Variants in PCBP3 observed in about 807,000 individuals in gnomAD.
PCBP3 encodes the protein poly(rC) binding protein 3, also known as poly(rC)-binding protein 3.
In PCBP3, 25 loss-of-function variants were observed where a neutral mutation model predicts 52.7. The ratio of observed to expected loss-of-function variants is 0.47; its 90% confidence interval spans 0.35 to 0.66. The LOEUF (loss-of-function observed/expected upper bound fraction) is 0.66, where lower values mean the gene tolerates loss of function less well. Ranked by LOEUF, PCBP3 falls within the 30% of genes least tolerant of loss-of-function variation. The probability of loss-of-function intolerance (pLI) is 0.01; values close to 1 mark genes in which losing one functional copy is unlikely to be tolerated. For missense variants in PCBP3, 391 were observed against 490.3 expected (o/e 0.80, Z 1.91); for synonymous variants, 162 against 183.0 (o/e 0.89, Z 0.93).
At chr21:45,879,279 C>T (rs1257779701) in intron 5 of PCBP3, among the ~76,000 whole-genome samples, 4 of 152,180 alleles carry the variant, frequency 2.6e-5, no homozygotes, top group Non-Finnish European at 5.9e-5. Flanking sequence ...GCCACTGCGC[C>T]TGGCCAAGGA....
At chr21:45,930,293 G>T (rs1055712363) in intron 14 of PCBP3, among the ~76,000 whole-genome samples, 2 of 152,212 alleles carry the variant, frequency 1.3e-5, no homozygotes, top group African/African-American at 4.8e-5. Flanking sequence ...GCAGTGCCCT[G>T]TGCTGCCCGC....
Position 45,910,951 on chromosome 21 carries a change from C to T in PCBP3, c.521C>T (p.Thr174Met), listed in dbSNP as rs916264253. Residue 174 changes from threonine to methionine, a missense_variant, in exon 11 of 18, where the codon ACG (threonine) becomes ATG (methionine). By Grantham distance (81) the Thr-to-Met change is moderately conservative (BLOSUM62 -1). Transcript: ENST00000681687. ...QVAGDMLPNS[T>M]ERAVTISGTP... ...GCTGGGGACATGCTGCCCAACTCCA[C>T]GGAGCGAGCGGTGACCATCTCGGGG... 10 of 1,611,796 alleles carry T rather than the reference C, an allele frequency of 6.2e-6. No individual in the cohort carries two copies. Among genetic ancestry groups the T allele is most frequent in the African/African-American group, 1.3e-5 (1 of 75,044 alleles).
chr21:45,914,361 G>A (rs766235487), intron 12 of PCBP3: 4 of 506,362 alleles, frequency 7.9e-6, no homozygotes, highest in East Asian at 3.4e-5. Flanking sequence ...GTGATTTTAC[G>A]TCTCACGTTG....
intron 2 of PCBP3, among the ~76,000 whole-genome samples, chr21:45,688,594 A>C (rs1427749707): frequency 6.6e-6 from 1 of 152,158 alleles, no homozygotes; most frequent in Non-Finnish European, 1.5e-5. Flanking sequence ...AGTATATCCA[A>C]AATAAATAGG....
In PCBP3 at chr21:45,837,521, C is replaced by T. The variant is rs1034063361; in HGVS notation, c.-125-12440C>T. Among the ~76,000 whole-genome samples the T allele has an allele frequency of 7.9e-5, 12 of 152,098 alleles. No individual in the cohort carries two copies. Among genetic ancestry groups the T allele is most frequent in the Non-Finnish European group, 1.5e-4 (10 of 68,028 alleles). Reference sequence around the variant, plus strand: ...GTGCCTGTGGAAATTCTCCTGCGGGCGGTTTCATGTCGAAGGCCTACCTGT... The same window carrying T: ...GTGCCTGTGGAAATTCTCCTGCGGGTGGTTTCATGTCGAAGGCCTACCTGT... On this transcript the variant is annotated intron_variant, in intron 4 of 17. Coordinates refer to ENST00000681687, the MANE Select transcript of PCBP3 (RefSeq NM_001384156.1). This position sits in a 1 kb window ranked among gnomAD's most constrained non-coding sequence, Gnocchi z 4.1.
chr21:45,827,262 G>A lies in PCBP3; in HGVS notation c.-125-22699G>A, dbSNP rs994547974. Among the ~76,000 whole-genome samples, 2 of 152,136 alleles carry A rather than the reference G, an allele frequency of 1.3e-5. No homozygotes were observed. Among genetic ancestry groups the A allele is most frequent in the African/African-American group, 4.8e-5 (2 of 41,430 alleles). ...CCTCTTCTAACCTGGCGGCAATGAG[G>A]CAGCACACCTCTGCCCCCGCTGCGA... is the stretch of plus-strand genomic sequence containing the variant. On this transcript the variant is annotated intron_variant, in intron 4 of 17. Coordinates refer to ENST00000681687, the MANE Select transcript of PCBP3 (RefSeq NM_001384156.1). The surrounding 1 kb of genome is among the most constrained non-coding windows in gnomAD (Gnocchi z 4.3).
chr21:45,917,826 G>A lies in PCBP3; in HGVS notation c.717+197G>A. 1 of 621,422 alleles carries A rather than the reference G, an allele frequency of 1.6e-6. No homozygotes were observed. Among genetic ancestry groups the A allele is most frequent in the Non-Finnish European group, 3.0e-6 (1 of 337,752 alleles). 38.5% of individuals were successfully genotyped at this position (621,422 alleles called of 1,614,324 possible). A position where few individuals can be genotyped will look rare whatever the true frequency, so the allele number is the denominator to read the frequency against. On this transcript the variant is annotated intron_variant, in intron 13 of 17. Coordinates refer to ENST00000681687, the MANE Select transcript of PCBP3 (RefSeq NM_001384156.1). This position sits in a 1 kb window ranked among gnomAD's most constrained non-coding sequence, Gnocchi z 5.3. ...TTAGCACTAATTCTGCTTGTGTTGA[G>A]GACTTGGCCTGATGTCAAATTGTCT...
At position 45,901,041 on chromosome 21, in the gene PCBP3, G is replaced by C; in HGVS notation, c.267G>C (p.Arg89Ser). The change falls in exon 9 of 18, where the codon AGG becomes AGC. Residue 89 changes from arginine to serine, a missense_variant. Physicochemically the swap from Arg to Ser is moderately radical, Grantham distance 110. Coordinates refer to ENST00000681687, the MANE Select transcript of PCBP3 (RefSeq NM_001384156.1). The part of the protein sequence containing the change: ...INISEGNCPE[R>S]IVTITGPTDA... ...TCTCAGAGGGAAACTGCCCAGAGAG[G>C]ATTGTGACCATCACAGGCCCCACAG... 6.2e-7 allele frequency: 1 copy of C among 1,614,126 alleles called. No homozygotes were observed. The highest frequency in any genetic ancestry group is 2.2e-5 in the East Asian group (1 of 44,874).
Position 45,918,092 on chromosome 21 carries a change from C to T in PCBP3, c.717+463C>T, listed in dbSNP as rs143811120. On this transcript the variant is annotated intron_variant, in intron 13 of 17. Coordinates refer to ENST00000681687, the MANE Select transcript of PCBP3 (RefSeq NM_001384156.1). ...CCCCCTTTCAGAGTCCACATGAAAA[C>T]ATAGGGTCCATCTACACACACAGAT... is the stretch of plus-strand genomic sequence containing the variant. The T allele has an allele frequency of 5.5e-3, 1,299 of 234,698 alleles. 21 individuals are homozygous for T. Among genetic ancestry groups the T allele is most frequent in the African/African-American group, 0.027 (1,194 of 44,128 alleles). 14.5% of individuals were successfully genotyped at this position (234,698 alleles called of 1,614,324 possible). A position where few individuals can be genotyped will look rare whatever the true frequency, so the allele number is the denominator to read the frequency against.
intron 2 of PCBP3, among the ~76,000 whole-genome samples, chr21:45,690,399 T>C (rs984856123): frequency 2.0e-5 from 3 of 152,102 alleles, no homozygotes; most frequent in Admixed American, 6.5e-5. Flanking sequence ...CCTTGGGGCT[T>C]GCTAGATTCT....
At chr21:45,813,741 G>A (rs769390455) in intron 4 of PCBP3, among the ~76,000 whole-genome samples, 10 of 152,200 alleles carry the variant, frequency 6.6e-5, no homozygotes, top group Non-Finnish European at 1.2e-4. Flanking sequence ...ACCACACCCA[G>A]CCTTCCTTTA....
intron 2 of PCBP3, among the ~76,000 whole-genome samples, chr21:45,723,625 A>T (rs2084821541): frequency 6.6e-6 from 1 of 152,236 alleles, no homozygotes; most frequent in Non-Finnish European, 1.5e-5. Context: ...GATCTATCTT[A>T]GATATGAAAG....
chr21:45,663,787 AT>A (rs1319936235), intron 1 of PCBP3, among the ~76,000 whole-genome samples: 2 of 152,092 alleles, frequency 1.3e-5, no homozygotes, highest in East Asian at 1.9e-4. Context: ...GCCTTGTAGT[AT>A]AATTTGAAGT....
chr21:45,801,218 G>A (rs1404835473), intron 4 of PCBP3, among the ~76,000 whole-genome samples: 2 of 152,198 alleles, frequency 1.3e-5, no homozygotes, highest in Admixed American at 6.5e-5. Context: ...TGAGGACCCT[G>A]GAGTGTTCTG....
At chr21:45,833,192 C>T (rs1181582455) in intron 4 of PCBP3, among the ~76,000 whole-genome samples, 1 of 152,190 alleles carries the variant, frequency 6.6e-6, no homozygotes. Context: ...GGAGATACCC[C>T]CACCTCGCGG....
intron 13 of PCBP3, among the ~76,000 whole-genome samples, chr21:45,920,330 G>A (rs373826246): frequency 9.2e-4 from 140 of 152,314 alleles, no homozygotes; most frequent in African/African-American, 3.2e-3. Context: ...TGTGTGCCAC[G>A]GTGGGACTGC....
At chr21:45,679,190 G>A (rs1273801135) in intron 2 of PCBP3, among the ~76,000 whole-genome samples, 2 of 150,878 alleles carry the variant, frequency 1.3e-5, no homozygotes, top group African/African-American at 4.9e-5. Flanking sequence ...GTGCAATCTC[G>A]GCTCACTGCA....
At chr21:45,884,905 C>G (rs1021487311) in intron 5 of PCBP3, among the ~76,000 whole-genome samples, 1 of 152,228 alleles carries the variant, frequency 6.6e-6, no homozygotes, top group African/African-American at 2.4e-5. Flanking sequence ...CCTAAGCATT[C>G]TGTACATATC....
intron 2 of PCBP3, among the ~76,000 whole-genome samples, chr21:45,689,177 A>G (rs1249630519): frequency 6.6e-6 from 1 of 152,134 alleles, no homozygotes; most frequent in African/African-American, 2.4e-5. Flanking sequence ...AAAAGTCCTT[A>G]ATCACTGATA....
Sources: gnomAD v4.1 joint callset for allele counts (sites outside exome capture counted in the v4.1 genomes callset) on GRCh38, gnomAD v4.1.1 for gene constraint, Gnocchi (gnomAD v3.1) non-coding constraint, MANE v1.5 for transcripts, NCBI Gene and HGNC (gene_info 2026-07-23, HGNC 2026-07-21) for gene names.